IGF2BP3: variants seen among roughly 807,000 people sequenced by gnomAD.
IGF2BP3 encodes the protein insulin-like growth factor 2 mRNA-binding protein 3.
Under a neutral mutation model 73.8 loss-of-function variants are expected in IGF2BP3, and 9 were observed. That is an observed-to-expected ratio of 0.12 (90% CI 0.07 to 0.21). The LOEUF (loss-of-function observed/expected upper bound fraction) is 0.21. Among genes scored for constraint, IGF2BP3 ranks in the 10% least tolerant of loss-of-function variants. IGF2BP3 has a pLI of 1.00. For synonymous variants in IGF2BP3, 258 were observed against 256.7 expected (o/e 1.01, Z -0.05); for missense variants, 542 against 714.0 (o/e 0.76, Z 2.75).
intron 3 of IGF2BP3, among the ~76,000 whole-genome samples, chr7:23,393,887 G>T (rs1270897763): frequency 6.6e-6 from 1 of 152,170 alleles, no homozygotes; most frequent in African/African-American, 2.4e-5. Flanking sequence ...GGCTGAACAA[G>T]TACCATGGAT....
At chr7:23,389,563 A>G (rs1018376126) in intron 3 of IGF2BP3, among the ~76,000 whole-genome samples, 23 of 152,082 alleles carry the variant, frequency 1.5e-4, no homozygotes, top group African/African-American at 5.6e-4. Flanking sequence ...TTAAATTACA[A>G]GACTACACAG....
intron 9 of IGF2BP3, among the ~76,000 whole-genome samples, 191 bp downstream of exon 9, chr7:23,343,527 A>T (rs1280505235): frequency 6.6e-6 from 1 of 152,238 alleles, no homozygotes; most frequent in Non-Finnish European, 1.5e-5. Flanking sequence ...TGCTAAAGTC[A>T]CAGAGACAGC....
chr7:23,312,321 G>C lies in IGF2BP3; in HGVS notation c.*41C>G. The stretch of plus-strand genomic sequence containing the variant: ...TCTGTTGGTTAAGCAATCTGTCTTT[G>C]GTTTGGCATCTGCCTCTGTGGTGGG... On this transcript the variant is annotated 3_prime_UTR_variant, in exon 15 of 15. Transcript: ENST00000258729. The C allele has an allele frequency of 1.4e-6, 2 of 1,394,136 alleles. No homozygotes were observed. Among genetic ancestry groups the C allele is most frequent in the Non-Finnish European group, 2.0e-6 (2 of 981,418 alleles). 86.4% of individuals were successfully genotyped at this position (1,394,136 alleles called of 1,614,324 possible).
At chr7:23,459,252 A>C (rs1333298506) in intron 2 of IGF2BP3, among the ~76,000 whole-genome samples, 4 of 152,194 alleles carry the variant, frequency 2.6e-5, no homozygotes, top group Non-Finnish European at 5.9e-5. Context: ...TTTGGTCACT[A>C]TTGTGACCAA....
chr7:23,333,836 T>C (rs1363614772), intron 10 of IGF2BP3, among the ~76,000 whole-genome samples: 1 of 152,230 alleles, frequency 6.6e-6, no homozygotes, highest in Non-Finnish European at 1.5e-5. Context: ...ACTCATCAGA[T>C]GTCTGAGGCT....
intron 6 of IGF2BP3, chr7:23,347,948 C>G (rs1784873285): frequency 5.7e-6 from 3 of 524,762 alleles, no homozygotes; most frequent in Non-Finnish European, 1.0e-5. Context: ...TTCCTCAATC[C>G]AACCAAGCGG....
chr7:23,412,691 A>G (rs747374164), intron 3 of IGF2BP3, among the ~76,000 whole-genome samples: 3 of 152,036 alleles, frequency 2.0e-5, no homozygotes, highest in Non-Finnish European at 2.9e-5. Context: ...CTTCCTTTAC[A>G]TAAGGTCTTA....
chr7:23,413,736 C>T (rs1313596475), intron 3 of IGF2BP3: 1 of 152,154 alleles, frequency 6.6e-6, no homozygotes, highest in African/African-American at 2.4e-5. Context: ...AGGAATCCTT[C>T]CAGTCTGGTC....
intron 3 of IGF2BP3, among the ~76,000 whole-genome samples, chr7:23,384,020 T>C (rs1220033039): frequency 1.5e-5 from 2 of 136,714 alleles, no homozygotes; most frequent in African/African-American, 5.6e-5. Flanking sequence ...GGCATGAACC[T>C]GGGAGGAAGA....
At chr7:23,397,001 T>C (rs1213562642) in intron 3 of IGF2BP3, among the ~76,000 whole-genome samples, 2 of 152,172 alleles carry the variant, frequency 1.3e-5, no homozygotes, top group East Asian at 1.9e-4. Context: ...CAAAGTCTCA[T>C]AGCCAGTAAG....
chr7:23,349,947 G>A (rs896340150), intron 6 of IGF2BP3, among the ~76,000 whole-genome samples: 6 of 152,186 alleles, frequency 3.9e-5, no homozygotes, highest in Admixed American at 2.0e-4. Flanking sequence ...AAGCCAGGCC[G>A]ACTGACTAGG....
At chr7:23,357,151 T>C (rs568211158) in intron 5 of IGF2BP3, among the ~76,000 whole-genome samples, 79 of 152,346 alleles carry the variant, frequency 5.2e-4, no homozygotes, top group Non-Finnish European at 8.8e-4. Context: ...ATTGTTAAAG[T>C]TTAAATGGGA....
At chr7:23,371,319 G>C (rs919813834) in intron 3 of IGF2BP3, among the ~76,000 whole-genome samples, 1 of 151,530 alleles carries the variant, frequency 6.6e-6, no homozygotes, top group African/African-American at 2.4e-5. Flanking sequence ...GAGATGAAGG[G>C]AACATCCTTC....
At chr7:23,410,915 C>G (rs938141622) in intron 3 of IGF2BP3, among the ~76,000 whole-genome samples, 1 of 152,220 alleles carries the variant, frequency 6.6e-6, no homozygotes, top group Admixed American at 6.5e-5. Context: ...TGTACCACCA[C>G]TGCCTTATCT....
chr7:23,365,149 G>C (rs930692492), intron 3 of IGF2BP3, among the ~76,000 whole-genome samples: 4 of 152,014 alleles, frequency 2.6e-5, no homozygotes, highest in Non-Finnish European at 5.9e-5. Context: ...CTGGGCAAAA[G>C]AGCAAGATTC....
At chr7:23,374,187 A>G (rs1225543229) in intron 3 of IGF2BP3, among the ~76,000 whole-genome samples, 1 of 152,224 alleles carries the variant, frequency 6.6e-6, no homozygotes, top group African/African-American at 2.4e-5. Context: ...TCATGGGAGC[A>G]TTATTCAAAA....
At chr7:23,409,518 A>G (rs1393754304) in intron 3 of IGF2BP3, among the ~76,000 whole-genome samples, 1 of 152,240 alleles carries the variant, frequency 6.6e-6, no homozygotes, top group Non-Finnish European at 1.5e-5. Context: ...ACCGTAACCA[A>G]GAAAGTGTAG....
At chr7:23,318,489 T>G (rs1487625310) in intron 11 of IGF2BP3, among the ~76,000 whole-genome samples, 2 of 152,072 alleles carry the variant, frequency 1.3e-5, no homozygotes, top group Non-Finnish European at 2.9e-5. Context: ...CCTCCCAAAG[T>G]GCTGGGATTA....
intron 3 of IGF2BP3, among the ~76,000 whole-genome samples, chr7:23,386,999 G>A (rs1263174159): frequency 3.3e-5 from 5 of 151,672 alleles, no homozygotes; most frequent in African/African-American, 7.3e-5. Context: ...CCTGGGAGGT[G>A]GAGGTTGCAG....
Sources: allele counts gnomAD v4.1 joint callset (sites outside exome capture counted in the v4.1 genomes callset), GRCh38; gene constraint gnomAD v4.1.1; transcripts MANE v1.5; gene names NCBI Gene and HGNC (gene_info 2026-07-23, HGNC 2026-07-21).